Variants in FAM171B observed in about 807,000 individuals in gnomAD.
The protein encoded by FAM171B is protein FAM171B.
FAM171B carries 19 observed loss-of-function variants against 75.6 expected under a neutral mutation model. The observed-to-expected ratio is 0.25, with a 90% CI of 0.18 to 0.37. The LOEUF is 0.37. Ranked by LOEUF, FAM171B falls within the 10% of genes least tolerant of loss-of-function variation. The pLI is 1.00. For synonymous variants in FAM171B, 367 were observed against 361.7 expected, an observed-to-expected ratio of 1.01 and a Z score of -0.17; for missense variants, 848 against 982.4, an observed-to-expected ratio of 0.86 and a Z score of 1.83.
chr2:186,723,807 C>T (rs1429758417), intron 1 of FAM171B, among the ~76,000 whole-genome samples: 3 of 152,162 alleles, frequency 2.0e-5, no homozygotes, highest in East Asian at 1.9e-4. Context: ...ACTTCAAGGC[C>T]GTCTACCTCA....
At chr2:186,694,506 C>T (rs1689551047) in intron 1 of FAM171B, 95 bp downstream of exon 1, 4 of 1,440,836 alleles carry the variant, frequency 2.8e-6, no homozygotes, top group Non-Finnish European at 3.7e-6. Context: ...CCATTCCTAT[C>T]CTCGTTCGTT....
Position 186,715,373 on chromosome 2 carries a change from T to A in FAM171B, c.238+20962T>A, listed in dbSNP as rs1689861173. On this transcript the variant is annotated intron_variant, in intron 1 of 7. Coordinates refer to ENST00000304698, the MANE Select transcript of FAM171B (RefSeq NM_177454.4). ...ACACGCCACCATGCCTGGCTAATTTTTAAATTTTTTGTAGAGACAGGGACT... is the reference window on the plus strand; with the variant it reads ...ACACGCCACCATGCCTGGCTAATTTATAAATTTTTTGTAGAGACAGGGACT... Among the ~76,000 whole-genome samples, 2 of 152,094 alleles carry A rather than the reference T, an allele frequency of 1.3e-5. 1 individual carries two copies. Among genetic ancestry groups the A allele is most frequent in the Admixed American group, 1.3e-4 (2 of 15,260 alleles).
intron 1 of FAM171B, among the ~76,000 whole-genome samples, chr2:186,702,221 T>G (rs1254040253): frequency 3.3e-5 from 5 of 152,194 alleles, no homozygotes; most frequent in Non-Finnish European, 7.4e-5. Context: ...CTGTATAGCA[T>G]AGCCTATCAC....
rs1340818643 is a variant in FAM171B, at chr2:186,764,724, C to G, written c.*1901C>G. 6.6e-6 allele frequency: 1 copy of G among 151,550 alleles called. No individual in the cohort carries two copies. The highest frequency in any genetic ancestry group is 2.4e-5 in the African/African-American group (1 of 41,342). The allele number at this position is 151,550 out of a possible 1,614,324, so 9.4% of individuals were successfully genotyped here. On this transcript the variant is annotated 3_prime_UTR_variant, in exon 8 of 8. Coordinates refer to ENST00000304698, the MANE Select transcript of FAM171B (RefSeq NM_177454.4). ...GTGCAGTTTTATTAAAAATATAGAC[C>G]TAGTGTTTCATGTTGGAACAATAAA...
chr2:186,713,352 G>T (rs985879423), intron 1 of FAM171B, among the ~76,000 whole-genome samples: 11 of 152,232 alleles, frequency 7.2e-5, no homozygotes, highest in Non-Finnish European at 1.5e-4. Flanking sequence ...CTTCTGGGGG[G>T]TGATCTTGGG....
chr2:186,722,927 T>C (rs1689977061), intron 1 of FAM171B, among the ~76,000 whole-genome samples: 1 of 152,144 alleles, frequency 6.6e-6, no homozygotes. Flanking sequence ...TTTAGGAACT[T>C]TGGGGGAATA....
intron 1 of FAM171B, among the ~76,000 whole-genome samples, chr2:186,700,076 G>GTTT (rs34293772): frequency 1.4e-5 from 2 of 147,552 alleles, no homozygotes; most frequent in Non-Finnish European, 3.0e-5. Flanking sequence ...CAATTTTGTT[G>GTTT]TTTTTTTTTT....
intron 1 of FAM171B, among the ~76,000 whole-genome samples, chr2:186,730,954 A>C (rs1197479644): frequency 6.6e-6 from 1 of 152,232 alleles, no homozygotes; most frequent in East Asian, 1.9e-4. Context: ...ATTAATAAAA[A>C]TTCCCTATTG....
intron 1 of FAM171B, among the ~76,000 whole-genome samples, chr2:186,729,918 C>G (rs562253059): frequency 6.6e-6 from 1 of 152,072 alleles, no homozygotes; most frequent in African/African-American, 2.4e-5. Context: ...CTGGCTATAA[C>G]CTTATTAGCT....
At chr2:186,735,830 T>C (rs1369610206) in intron 1 of FAM171B, among the ~76,000 whole-genome samples, 1 of 152,264 alleles carries the variant, frequency 6.6e-6, no homozygotes. Flanking sequence ...ATGGGCTGAA[T>C]TTATGATACG....
chr2:186,718,615 G>T lies in FAM171B; in HGVS notation c.239-21613G>T, dbSNP rs181747973. ...TTGAATTAATTCAGGTTGAAATTGG[G>T]GAATATTAAATATACTTACATACAC... On this transcript the variant is annotated intron_variant, in intron 1 of 7. Coordinates refer to ENST00000304698, the MANE Select transcript of FAM171B (RefSeq NM_177454.4). Among the ~76,000 whole-genome samples the T allele has an allele frequency of 2.2e-4, 34 of 152,092 alleles. 1 individual carries two copies. Among genetic ancestry groups the T allele is most frequent in the East Asian group, 1.5e-3 (8 of 5,186 alleles).
At chr2:186,746,952 T>C in intron 3 of FAM171B, 140 bp from the exon 4 acceptor site, 1 of 624,720 alleles carries the variant, frequency 1.6e-6, no homozygotes, top group Admixed American at 3.3e-5. Flanking sequence ...TAGTTCTGCA[T>C]TTAAAATAAT....
intron 1 of FAM171B, among the ~76,000 whole-genome samples, chr2:186,727,158 T>A (rs1690046285): frequency 6.6e-6 from 1 of 151,988 alleles, no homozygotes; most frequent in Admixed American, 6.6e-5. Context: ...TTGGAAATAA[T>A]AGGGGCTGTC....
At chr2:186,706,325 G>C (rs1031876366) in intron 1 of FAM171B, among the ~76,000 whole-genome samples, 20 of 152,296 alleles carry the variant, frequency 1.3e-4, no homozygotes, top group Admixed American at 4.6e-4. Flanking sequence ...CACCAATGCT[G>C]TTCCAGGCTT....
At chr2:186,732,314 G>T (rs958779271) in intron 1 of FAM171B, among the ~76,000 whole-genome samples, 5 of 152,130 alleles carry the variant, frequency 3.3e-5, no homozygotes, top group African/African-American at 1.2e-4. Context: ...TCTCAATGAT[G>T]ATTGCAATCA....
At chr2:186,724,697 A>C (rs1263961026) in intron 1 of FAM171B, among the ~76,000 whole-genome samples, 8 of 152,196 alleles carry the variant, frequency 5.3e-5, no homozygotes, top group Non-Finnish European at 1.2e-4. Flanking sequence ...GGAGTATGCC[A>C]TTTGGATTTC....
At position 186,763,622 on chromosome 2, in the gene FAM171B, A is replaced by G. The variant is rs1198272845; in HGVS notation, c.*799A>G. Reference sequence around the variant, plus strand: ...TTTACAAATCTGAAAAAAACAATCTATGACTTTGGTTTAAGGCTCACTGAT... The same window carrying G: ...TTTACAAATCTGAAAAAAACAATCTGTGACTTTGGTTTAAGGCTCACTGAT... On this transcript the variant is annotated 3_prime_UTR_variant, in exon 8 of 8. Coordinates refer to ENST00000304698, the MANE Select transcript of FAM171B (RefSeq NM_177454.4). The G allele has an allele frequency of 2.6e-5, 4 of 152,084 alleles. No homozygotes were observed. The highest frequency in any genetic ancestry group is 4.4e-5 in the Non-Finnish European group (3 of 67,964). The allele number at this position is 152,084 out of a possible 1,614,324, so 9.4% of individuals were successfully genotyped here.
chr2:186,708,399 C>T (rs1431862762), intron 1 of FAM171B, among the ~76,000 whole-genome samples: 1 of 152,018 alleles, frequency 6.6e-6, no homozygotes, highest in African/African-American at 2.4e-5. Context: ...GTCTATGTGC[C>T]AGATACCATG....
chr2:186,759,368 A>G (rs577207586), intron 6 of FAM171B, among the ~76,000 whole-genome samples: 1 of 152,206 alleles, frequency 6.6e-6, no homozygotes, highest in Admixed American at 6.5e-5. Flanking sequence ...TATATCTAGC[A>G]GTGGGGTTGA....
Sources: gnomAD v4.1 joint callset for allele counts (sites outside exome capture counted in the v4.1 genomes callset) on GRCh38, gnomAD v4.1.1 for gene constraint, MANE v1.5 for transcripts, NCBI Gene and HGNC (gene_info 2026-07-23, HGNC 2026-07-21) for gene names.